Variants in PDLIM1 observed in about 807,000 individuals in gnomAD.
PDLIM1 encodes the protein PDZ and LIM domain 1, also known as PDZ and LIM domain protein 1.
PDLIM1 carries 25 observed loss-of-function variants against 35.2 expected under a neutral mutation model. The observed-to-expected ratio is 0.71, with a 90% confidence interval of 0.52 to 0.99. The LOEUF (loss-of-function observed/expected upper bound fraction) is 0.99. Ranked by LOEUF, PDLIM1 falls within the 50% of genes least tolerant of loss-of-function variation. The pLI, the probability that PDLIM1 is intolerant of heterozygous loss-of-function variation, is 0.00. For missense variants in PDLIM1, 363 were observed against 415.3 expected, an observed-to-expected ratio of 0.87 and a Z score of 1.09; for synonymous variants, 152 against 154.0, an observed-to-expected ratio of 0.99 and a Z score of 0.10.
At chr10:95,280,798 G>A (rs1452048804) in intron 1 of PDLIM1, among the ~76,000 whole-genome samples, 2 of 152,148 alleles carry the variant, frequency 1.3e-5, no homozygotes, top group Non-Finnish European at 2.9e-5. Context: ...TGTTAACCTT[G>A]CCCCTTGGAG....
chr10:95,271,432 G>A (rs45598237), intron 2 of PDLIM1, among the ~76,000 whole-genome samples: 5,350 of 129,740 alleles, frequency 0.041, 278 homozygotes, highest in African/African-American at 0.13. Context: ...GTGAGACTCC[G>A]TCTCAAAAAA....
intron 5 of PDLIM1, among the ~76,000 whole-genome samples, chr10:95,242,820 C>T (rs1488777496): frequency 2.0e-5 from 3 of 152,188 alleles, no homozygotes; most frequent in Non-Finnish European, 4.4e-5. Context: ...AACGGATTCC[C>T]TCATTTTCTG....
chr10:95,246,149 C>A (rs1485556141), intron 5 of PDLIM1, among the ~76,000 whole-genome samples: 1 of 152,078 alleles, frequency 6.6e-6, no homozygotes, highest in Non-Finnish European at 1.5e-5. Flanking sequence ...GAGGACTGGG[C>A]ATCACAGGGA....
intron 1 of PDLIM1, among the ~76,000 whole-genome samples, chr10:95,274,018 C>T (rs45447693): frequency 0.069 from 10,542 of 152,228 alleles, 440 homozygotes; most frequent in South Asian, 0.19. Flanking sequence ...CCTTATGGAA[C>T]TCATTTATCA....
chr10:95,280,986 A>G (rs3740508), intron 1 of PDLIM1, among the ~76,000 whole-genome samples: 26,347 of 152,194 alleles, frequency 0.17, 2,607 homozygotes, highest in African/African-American at 0.27. Flanking sequence ...AAGACAGCCT[A>G]TACAGTGAAA....
intron 4 of PDLIM1, among the ~76,000 whole-genome samples, chr10:95,254,906 CTAAGTAAGTAAG>C (rs575291046): frequency 6.6e-6 from 1 of 151,606 alleles, no homozygotes; most frequent in South Asian, 2.1e-4. Flanking sequence ...GAGACTGCCT[CTAAGTAAGTAAG>C]TAAGTAAGTA....
intron 5 of PDLIM1, among the ~76,000 whole-genome samples, chr10:95,245,738 T>C: frequency 6.6e-6 from 1 of 152,280 alleles, no homozygotes. Flanking sequence ...CATTTTAGCA[T>C]AAAAGAAGCA....
chr10:95,263,132 G>A (rs7910388), intron 4 of PDLIM1, among the ~76,000 whole-genome samples: 90,423 of 148,352 alleles, frequency 0.61, 28,922 homozygotes, highest in Non-Finnish European at 0.7. Flanking sequence ...GTGACAGAGC[G>A]AAAGCTTGTC....
At chr10:95,253,669 AAG>A in intron 4 of PDLIM1, among the ~76,000 whole-genome samples, 1 of 151,998 alleles carries the variant, frequency 6.6e-6, no homozygotes, top group African/African-American at 2.4e-5. Flanking sequence ...AAAAAAAAAA[AAG>A]AAGGAATCTT....
intron 1 of PDLIM1, among the ~76,000 whole-genome samples, chr10:95,274,334 A>AC (rs1271836129): frequency 7.5e-6 from 1 of 133,926 alleles, no homozygotes; most frequent in Non-Finnish European, 1.5e-5. Context: ...GCTCTTGTTG[A>AC]CCAGGTTGGT....
Position 95,290,815 on chromosome 10 carries a change from CT to C in PDLIM1, c.96+4del. 6.5e-7 allele frequency: 1 copy of C among 1,549,502 alleles called. No homozygotes were observed. Among genetic ancestry groups the C allele is most frequent in the Non-Finnish European group, 8.7e-7 (1 of 1,144,060 alleles). On this transcript the variant is annotated splice_donor_region_variant and intron_variant, in intron 1 of 6. Transcript: ENST00000329399. This position sits in a 1 kb window ranked among gnomAD's most constrained non-coding sequence, Gnocchi z 4.7. Reference sequence around the variant, plus strand: ...CGCTTCCACGCACGTCCCAGCTGCTCTTACCCGGGAAATGGCGAGAGGCTGC... The same window carrying C: ...CGCTTCCACGCACGTCCCAGCTGCTCTACCCGGGAAATGGCGAGAGGCTGC...
At chr10:95,244,899 CAAACAA>C (rs777841549) in intron 5 of PDLIM1, among the ~76,000 whole-genome samples, 10 of 152,008 alleles carry the variant, frequency 6.6e-5, no homozygotes, top group Admixed American at 1.3e-4. Context: ...GACCCTGTCT[CAAACAA>C]AAACAAAAAC....
chr10:95,286,050 G>A (rs572981569), intron 1 of PDLIM1, among the ~76,000 whole-genome samples: 9 of 152,300 alleles, frequency 5.9e-5, no homozygotes, highest in African/African-American at 1.2e-4. Context: ...AATGCCATGA[G>A]AGACTAGGAC....
Position 95,290,907 on chromosome 10 carries a change from G to A in PDLIM1, c.9C>T (p.Thr3=). The A allele has an allele frequency of 6.4e-7, 1 of 1,553,078 alleles. No homozygotes were observed. Among genetic ancestry groups the A allele is most frequent in the Non-Finnish European group, 8.7e-7 (1 of 1,148,572 alleles). Reference sequence around the variant, plus strand: ...CCGGGCCCTGGAGGTCTATCTGCTGGGTGGTCATGGCGCGGCTGTGGCGGG... The same window carrying A: ...CCGGGCCCTGGAGGTCTATCTGCTGAGTGGTCATGGCGCGGCTGTGGCGGG... The part of the protein sequence containing the change: MT[T]QQIDLQGPGP... The change falls in exon 1 of 7, where the codon ACC becomes ACT. Residue 3 remains threonine (T), a synonymous_variant. Transcript: ENST00000329399. The surrounding 1 kb of genome is among the most constrained non-coding windows in gnomAD (Gnocchi z 4.7).
At chr10:95,260,360 G>A (rs1412975377) in intron 4 of PDLIM1, among the ~76,000 whole-genome samples, 1 of 152,042 alleles carries the variant, frequency 6.6e-6, no homozygotes, top group Non-Finnish European at 1.5e-5. Flanking sequence ...ATGAAATCTG[G>A]GCTCTGAATT....
intron 4 of PDLIM1, among the ~76,000 whole-genome samples, chr10:95,248,796 C>G (rs1361870952): frequency 6.6e-6 from 1 of 152,232 alleles, no homozygotes; most frequent in Admixed American, 6.5e-5. Context: ...CCCGCTGTGC[C>G]TGGGAAACAC....
chr10:95,238,748 T>A (rs2035148740), intron 5 of PDLIM1, 63 bp from the exon 6 acceptor site: 1 of 994,762 alleles, frequency 1.0e-6, no homozygotes, highest in South Asian at 1.3e-5. Flanking sequence ...ATCACTCAGC[T>A]CTTCAGAACC....
At chr10:95,264,675 G>C (rs2035397126) in intron 3 of PDLIM1, among the ~76,000 whole-genome samples, 1 of 152,162 alleles carries the variant, frequency 6.6e-6, no homozygotes, top group Non-Finnish European at 1.5e-5. Context: ...CAGATAGAAG[G>C]TCGGGGATAC....
At chr10:95,248,339 G>A (rs952595900) in intron 4 of PDLIM1, among the ~76,000 whole-genome samples, 8 of 152,306 alleles carry the variant, frequency 5.3e-5, no homozygotes, top group South Asian at 2.1e-4. Context: ...CGAACTACTG[G>A]CCTCAATAGA....
Sources: gnomAD v4.1 joint callset for allele counts (sites outside exome capture counted in the v4.1 genomes callset) on GRCh38, gnomAD v4.1.1 for gene constraint, Gnocchi (gnomAD v3.1) non-coding constraint, MANE v1.5 for transcripts, NCBI Gene and HGNC (gene_info 2026-07-23, HGNC 2026-07-21) for gene names.